HTT: variants seen among roughly 807,000 people sequenced by gnomAD.
HTT encodes the protein huntington disease protein.
Under a neutral mutation model 362.3 loss-of-function variants are expected in HTT, and 104 were observed. The ratio of observed to expected loss-of-function variants is 0.29; its 90% CI spans 0.24 to 0.34. The LOEUF (loss-of-function observed/expected upper bound fraction) is 0.34. HTT is among the 10% of genes least tolerant of loss of function. The pLI, the probability that HTT is intolerant of heterozygous loss-of-function variation, is 1.00. For missense variants in HTT, 3,301 were observed against 3,928.6 expected, an observed-to-expected ratio of 0.84 and a Z score of 4.27; for synonymous variants, 1,577 against 1,548.7, an observed-to-expected ratio of 1.02 and a Z score of -0.43.
chr4:3,140,694 A>C (rs1307577955), intron 22 of HTT, 38 bp downstream of exon 22: 1 of 1,596,664 alleles, frequency 6.3e-7, no homozygotes, highest in Middle Eastern at 1.7e-4. Flanking sequence ...TTGTCGGGAA[A>C]ATGCCCTTTC....
intron 23 of HTT, among the ~76,000 whole-genome samples, chr4:3,143,214 C>T (rs558667270): frequency 6.6e-6 from 1 of 152,172 alleles, no homozygotes; most frequent in Admixed American, 6.5e-5. Flanking sequence ...AGGTTGGGGG[C>T]TCACTTGAGG....
chr4:3,127,636 TTTTA>T, intron 12 of HTT, 32 bp downstream of exon 12: 6 of 1,480,320 alleles, frequency 4.1e-6, no homozygotes, highest in Non-Finnish European at 4.6e-6. Context: ...ACATCTTTTT[TTTTA>T]TTTTTTATTT....
intron 40 of HTT, 67 bp downstream of exon 40, chr4:3,189,160 T>C (rs1718905375): frequency 6.6e-7 from 1 of 1,504,822 alleles, no homozygotes; most frequent in Non-Finnish European, 9.1e-7. Context: ...ACTCTCAGAG[T>C]GTAGGAGCTG....
At position 3,229,020 on chromosome 4, in the gene HTT, C is replaced by A; in HGVS notation, c.8109+11C>A. On this transcript the variant is annotated intron_variant, in intron 59 of 66. Transcript: ENST00000355072. ...GAGGTGGTCAGATCCGTAAGTGAGC[C>A]TTCCCATTCCCCTCACACCTGCACG... 1 of 1,595,758 alleles carries A rather than the reference C, an allele frequency of 6.3e-7. No homozygotes were observed. The highest frequency in any genetic ancestry group is 8.6e-7 in the Non-Finnish European group (1 of 1,163,856).
chr4:3,074,935 A>ACCGCC lies in HTT; in HGVS notation c.110_111insCCGCC (p.Gln37HisfsTer66). On this transcript the variant is annotated frameshift_variant, in exon 1 of 67. Transcript: ENST00000355072. LOFTEE classifies it high-confidence loss of function. ...CAGCAGCAGCAGCAGCAGCAGCAGC[A>ACCGCC]ACAGCCGCCACCGCCGCCGCCGCCG... 1 of 1,242,510 alleles carries ACCGCC rather than the reference A, an allele frequency of 8.0e-7. No individual in the cohort carries two copies. The highest frequency in any genetic ancestry group is 1.1e-6 in the Non-Finnish European group (1 of 936,360). The allele number at this position is 1,242,510 out of a possible 1,614,324, so 77.0% of individuals were successfully genotyped here.
chr4:3,209,470 C>G (rs1382584002), intron 46 of HTT, among the ~76,000 whole-genome samples: 1 of 152,252 alleles, frequency 6.6e-6, no homozygotes. Flanking sequence ...CCTTCTTAGG[C>G]TCTATTCGCT....
At chr4:3,185,331 CAG>C (rs1480542994) in intron 37 of HTT, among the ~76,000 whole-genome samples, 3 of 152,110 alleles carry the variant, frequency 2.0e-5, no homozygotes, top group Non-Finnish European at 4.4e-5. Context: ...TGGGTTCTCC[CAG>C]AGTTGCTGGG....
intron 1 of HTT, among the ~76,000 whole-genome samples, chr4:3,081,934 A>G (rs539935598): frequency 5.9e-5 from 9 of 152,110 alleles, no homozygotes; most frequent in South Asian, 4.2e-4. Context: ...ACACATATAC[A>G]TTATAAAAAT....
intron 3 of HTT, among the ~76,000 whole-genome samples, chr4:3,100,841 G>A (rs551207329): frequency 2.6e-5 from 4 of 152,290 alleles, no homozygotes; most frequent in Non-Finnish European, 5.9e-5. Flanking sequence ...TATCCTCCTG[G>A]CTTGGCCCCT....
intron 6 of HTT, among the ~76,000 whole-genome samples, chr4:3,109,558 C>CT (rs1714625391): frequency 6.6e-6 from 1 of 151,980 alleles, no homozygotes; most frequent in African/African-American, 2.4e-5. Flanking sequence ...GCTTCTACTG[C>CT]TATTTTTTTT....
intron 37 of HTT, among the ~76,000 whole-genome samples, chr4:3,184,932 G>A (rs990580966): frequency 2.0e-5 from 3 of 152,104 alleles, no homozygotes; most frequent in African/African-American, 4.8e-5. Context: ...GGTTCCTAAA[G>A]CCAAGATTTT....
chr4:3,083,631 C>T (rs1713045470), intron 1 of HTT, among the ~76,000 whole-genome samples: 1 of 151,024 alleles, frequency 6.6e-6, no homozygotes, highest in South Asian at 2.1e-4. Flanking sequence ...ATCACTTTGA[C>T]AATACCACAT....
intron 4 of HTT, 74 bp downstream of exon 4, chr4:3,103,957 A>C: frequency 1.2e-6 from 1 of 823,226 alleles, no homozygotes; most frequent in Non-Finnish European, 2.1e-6. Context: ...TTGTAGGTAC[A>C]TGTAAATGTA....
Position 3,158,701 on chromosome 4 carries a change from G to A in HTT, c.3753+1502G>A, listed in dbSNP as rs534776038. 8.5e-5 allele frequency among the ~76,000 whole-genome samples: 13 copies of A among 152,082 alleles called. No homozygotes were observed. The South Asian group carries it at 2.7e-3, about 32-fold the overall frequency. Reference sequence around the variant, plus strand: ...GTATGTGGCTTATTTTCTGAAGGATGTTTGATAATTTTGGAAGATATGAAA... The same window carrying A: ...GTATGTGGCTTATTTTCTGAAGGATATTTGATAATTTTGGAAGATATGAAA... On this transcript the variant is annotated intron_variant, in intron 28 of 66. Coordinates refer to ENST00000355072, the MANE Select transcript of HTT (RefSeq NM_001388492.1).
chr4:3,227,874 G>A (rs1560603087), intron 57 of HTT, among the ~76,000 whole-genome samples: 1 of 152,216 alleles, frequency 6.6e-6, no homozygotes, highest in Non-Finnish European at 1.5e-5. Context: ...ACTGGACTGA[G>A]CCGCTACTTG....
chr4:3,148,018 A>G lies in HTT; in HGVS notation c.3309A>G (p.Lys1103=), dbSNP rs374733848. Reference sequence around the variant, plus strand: ...CCCATATCACAGCCAGTGCTCCCAAATCTCTGAGAAGTTCATGGGCCTCTG... The same window carrying G: ...CCCATATCACAGCCAGTGCTCCCAAGTCTCTGAGAAGTTCATGGGCCTCTG... ...AGNLLAASAP[K]SLRSSWASEE... The change falls in exon 26 of 67, where the codon AAA becomes AAG. Residue 1103 remains lysine (K), a synonymous_variant. Transcript: ENST00000355072. 3.3e-5 allele frequency: 53 copies of G among 1,612,736 alleles called. No homozygotes were observed. The highest frequency in any genetic ancestry group is 4.2e-5 in the Non-Finnish European group (50 of 1,179,460).
intron 9 of HTT, among the ~76,000 whole-genome samples, chr4:3,121,993 CT>C (rs1174990848): frequency 1.3e-5 from 2 of 152,196 alleles, no homozygotes; most frequent in African/African-American, 4.8e-5. Flanking sequence ...ATTTTAGGTG[CT>C]GAGAAATGAA....
rs149938609 is a variant in HTT at position 3,109,444 on chromosome 4, C to T, written c.747+2021C>T. The stretch of plus-strand genomic sequence containing the variant: ...TTCTCCGGGTTGGTCAGGCTGGTCT[C>T]GAACTCCTGACCTCAGGTGATCCTC... On this transcript the variant is annotated intron_variant, in intron 6 of 66. Coordinates refer to ENST00000355072, the MANE Select transcript of HTT (RefSeq NM_001388492.1). Among the ~76,000 whole-genome samples, 590 of 152,234 alleles carry T rather than the reference C, an allele frequency of 3.9e-3. 3 individuals are homozygous for T. Among genetic ancestry groups the T allele is most frequent in the South Asian group, 7.9e-3 (38 of 4,816 alleles).
intron 23 of HTT, among the ~76,000 whole-genome samples, chr4:3,143,967 C>G (rs977779177): frequency 6.6e-6 from 1 of 151,914 alleles, no homozygotes; most frequent in Non-Finnish European, 1.5e-5. Context: ...TCCAAGAATC[C>G]AAGAATAATT....
Sources: gnomAD v4.1 joint callset for allele counts (sites outside exome capture counted in the v4.1 genomes callset) on GRCh38, gnomAD v4.1.1 for gene constraint, MANE v1.5 for transcripts, NCBI Gene and HGNC (gene_info 2026-07-23, HGNC 2026-07-21) for gene names.